Variants in DIAPH2 observed in about 807,000 individuals in gnomAD.
DIAPH2 encodes the protein diaphanous related formin 2.
Under a neutral mutation model 92.7 loss-of-function variants are expected in DIAPH2, and 35 were observed. The ratio of observed to expected loss-of-function variants is 0.38; its 90% CI spans 0.29 to 0.50. The LOEUF (loss-of-function observed/expected upper bound fraction) is 0.50. Ranked by LOEUF, DIAPH2 falls within the 20% of genes least tolerant of loss-of-function variation. DIAPH2 has a pLI of 0.94. For missense variants in DIAPH2, 701 were observed against 819.5 expected (o/e 0.86, Z 1.77); for synonymous variants, 301 against 280.4 (o/e 1.07, Z -0.73).
intron 24 of DIAPH2, among the ~76,000 whole-genome samples, chrX:97,357,339 T>G (rs1216386988): frequency 9.0e-6 from 1 of 111,499 alleles, no homozygotes; most frequent in African/African-American, 3.3e-5. Flanking sequence ...CCTGTTTTGT[T>G]TGTCCATTTG....
At chrX:97,366,606 C>A (rs2069383749) in intron 24 of DIAPH2, among the ~76,000 whole-genome samples, 1 of 111,755 alleles carries the variant, frequency 8.9e-6, no homozygotes, top group Non-Finnish European at 1.9e-5. Context: ...TATCCATAGC[C>A]AGCAGACACC....
chrX:97,125,490 AAAAAAAAAAG>A (rs1404192812), intron 21 of DIAPH2, among the ~76,000 whole-genome samples: 10 of 104,727 alleles, frequency 9.5e-5, no homozygotes, highest in Non-Finnish European at 1.9e-4. Context: ...AAAAAAAAAA[AAAAAAAAAAG>A]AATGCAAACT....
At chrX:97,383,773 A>G (rs1023880355) in intron 24 of DIAPH2, 136 bp from the exon 25 acceptor site, 16 of 502,826 alleles carry the variant, frequency 3.2e-5, no homozygotes, top group Non-Finnish European at 3.8e-5. Context: ...TTTCTCCATT[A>G]TATAAGTAAT....
chrX:96,889,623 T>G (rs1386951580), intron 5 of DIAPH2, among the ~76,000 whole-genome samples: 1 of 111,977 alleles, frequency 8.9e-6, no homozygotes, highest in Non-Finnish European at 1.9e-5. Flanking sequence ...GGGGCTTATA[T>G]ATATGGAGCT....
chrX:97,561,066 T>C (rs138160205), intron 26 of DIAPH2, among the ~76,000 whole-genome samples: 137 of 112,101 alleles, frequency 1.2e-3, no homozygotes, highest in Admixed American at 2.2e-3. Flanking sequence ...TCTGAGACTA[T>C]TTTGTTGTTA....
chrX:97,423,601 A>T (rs1048422340), intron 25 of DIAPH2, among the ~76,000 whole-genome samples: 26 of 111,875 alleles, frequency 2.3e-4, no homozygotes, highest in South Asian at 3.7e-4. Flanking sequence ...TTTATTTGAT[A>T]TGATGATAAG....
intron 26 of DIAPH2, among the ~76,000 whole-genome samples, chrX:97,524,718 CT>C (rs1441038425): frequency 9.0e-6 from 1 of 111,699 alleles, no homozygotes; most frequent in Non-Finnish European, 1.9e-5. Context: ...TTTCTGATAC[CT>C]TTTGATTCAT....
intron 26 of DIAPH2, among the ~76,000 whole-genome samples, chrX:97,532,012 G>GA (rs1319639663): frequency 8.9e-6 from 1 of 112,320 alleles, no homozygotes; most frequent in Non-Finnish European, 1.9e-5. Flanking sequence ...TTCACTCTGA[G>GA]AAAAAAGCCT....
At chrX:97,212,315 T>C (rs2067846569) in intron 22 of DIAPH2, among the ~76,000 whole-genome samples, 1 of 111,587 alleles carries the variant, frequency 9.0e-6, no homozygotes, top group African/African-American at 3.3e-5. Context: ...GTTTATTTTA[T>C]CAATCTTTAT....
chrX:97,546,806 AGCCTCGGCGACAGAGT>A (rs2071184540), intron 26 of DIAPH2, among the ~76,000 whole-genome samples: 1 of 110,077 alleles, frequency 9.1e-6, no homozygotes, highest in Non-Finnish European at 1.9e-5. Flanking sequence ...ATTGCCCTCC[AGCCTCGGCGACAGAGT>A]GAGGCTCTGT....
chrX:97,440,884 G>A (rs957545169), intron 26 of DIAPH2, among the ~76,000 whole-genome samples: 2 of 110,851 alleles, frequency 1.8e-5, no homozygotes, highest in Non-Finnish European at 3.8e-5. Context: ...TGGGTACAAT[G>A]TACATTATTT....
At chrX:96,920,254 C>T (rs896583508) in intron 9 of DIAPH2, among the ~76,000 whole-genome samples, 30 of 111,197 alleles carry the variant, frequency 2.7e-4, no homozygotes, top group Non-Finnish European at 4.9e-4. Context: ...TATACCTCTA[C>T]TGAAAGGTTG....
intron 4 of DIAPH2, among the ~76,000 whole-genome samples, chrX:96,861,813 A>G (rs1327951264): frequency 1.8e-5 from 2 of 111,482 alleles, no homozygotes; most frequent in Non-Finnish European, 3.8e-5. Flanking sequence ...CACACATGCA[A>G]ATGTACACAC....
rs1178277648 is a variant in DIAPH2, at chrX:97,600,190, T to TATTG, written c.*877_*880dup. ...CGTTTATTTAGATTTCAAAGGCAAA[T>TATTG]ATTGATTCCTATGCTCTGTGGTTTA... On this transcript the variant is annotated 3_prime_UTR_variant, in exon 27 of 27. Transcript: ENST00000324765. 8.9e-6 allele frequency: 1 copy of TATTG among 112,324 alleles called. No homozygotes were observed. Among genetic ancestry groups the TATTG allele is most frequent in the Non-Finnish European group, 1.9e-5 (1 of 53,106 alleles). The allele number at this position is 112,324 out of a possible 1,213,427, so 9.3% of individuals were successfully genotyped here.
chrX:97,120,379 C>G (rs1245229480), intron 21 of DIAPH2, among the ~76,000 whole-genome samples: 1 of 110,798 alleles, frequency 9.0e-6, no homozygotes, highest in Non-Finnish European at 1.9e-5. Context: ...AATTTGGGCA[C>G]TCACAGTATT....
chrX:97,127,287 A>C (rs2067100200), intron 21 of DIAPH2, among the ~76,000 whole-genome samples: 1 of 112,179 alleles, frequency 8.9e-6, no homozygotes, highest in Admixed American at 9.5e-5. Context: ...ACTATGAGGA[A>C]ATATAAGCTT....
chrX:96,764,245 A>G (rs1050196257), intron 4 of DIAPH2, among the ~76,000 whole-genome samples: 4 of 110,938 alleles, frequency 3.6e-5, no homozygotes, highest in Non-Finnish European at 7.6e-5. Context: ...ATCTGTGTAA[A>G]TTTCTGCACT....
intron 26 of DIAPH2, among the ~76,000 whole-genome samples, chrX:97,540,526 G>C (rs2071131765): frequency 8.9e-6 from 1 of 112,278 alleles, no homozygotes; most frequent in African/African-American, 3.2e-5. Flanking sequence ...TTAGCAACTT[G>C]CTGAGATTAA....
At chrX:97,507,987 T>A (rs2070849731) in intron 26 of DIAPH2, among the ~76,000 whole-genome samples, 1 of 111,148 alleles carries the variant, frequency 9.0e-6, no homozygotes, top group Non-Finnish European at 1.9e-5. Context: ...CTCATTTCTG[T>A]AACCCATGAG....
Sources: gnomAD v4.1 joint callset for allele counts (sites outside exome capture counted in the v4.1 genomes callset) on GRCh38, gnomAD v4.1.1 for gene constraint, MANE v1.5 for transcripts, NCBI Gene and HGNC (gene_info 2026-07-23, HGNC 2026-07-21) for gene names.